DNAH3: variants seen among roughly 807,000 people sequenced by gnomAD.
DNAH3 encodes the protein dynein axonemal heavy chain 3.
A neutral mutation model predicts 432.5 loss-of-function variants in DNAH3; 332 were observed. That is an observed-to-expected ratio of 0.77 (90% CI 0.70 to 0.84). The LOEUF (loss-of-function observed/expected upper bound fraction) is 0.84. Among genes scored for constraint, DNAH3 ranks in the 40% least tolerant of loss-of-function variants. The pLI, the probability that DNAH3 is intolerant of heterozygous loss-of-function variation, is 0.00. For synonymous variants in DNAH3, 1,956 were observed against 1,900.2 expected (o/e 1.03, Z -0.76); for missense variants, 4,861 against 5,114.0 (o/e 0.95, Z 1.51).
At chr16:21,148,358 G>A (rs2092811988) in intron 1 of DNAH3, among the ~76,000 whole-genome samples, 1 of 152,050 alleles carries the variant, frequency 6.6e-6, no homozygotes, top group African/African-American at 2.4e-5. Context: ...ATGAGGGTGA[G>A]AAGATAGGTA....
chr16:21,146,057 CTCA>C (rs1390645194), exon 2 of DNAH3: 1 of 1,613,794 alleles, frequency 6.2e-7, no homozygotes. Flanking sequence ...CTGGGAGTGG[CTCA>C]TGTGATGTAT....
intron 4 of DNAH3, 114 bp downstream of exon 5, chr16:21,141,186 A>G (rs1413481477): frequency 1.3e-6 from 1 of 778,430 alleles, no homozygotes; most frequent in East Asian, 2.8e-5. Context: ...GGATAAGAAT[A>G]TGATTATCTG....
intron 40 of DNAH3, among the ~76,000 whole-genome samples, chr16:21,020,785 T>C (rs1459811413): frequency 6.6e-6 from 1 of 152,086 alleles, no homozygotes; most frequent in African/African-American, 2.4e-5. Context: ...AGTTCAGTGG[T>C]ATTAAGTGCA....
rs754680360 is a variant in DNAH3 at position 20,985,633 on chromosome 16, T to C, written c.7109A>G (p.Glu2370Gly). 53 of 1,614,134 alleles carry C rather than the reference T, an allele frequency of 3.3e-5. No homozygotes were observed. The South Asian group carries it at 5.7e-4, about 17-fold the overall frequency. ...CTCATCGTAGATTTTTTGGTCACTT[T>C]CTGGCTTGAAATAATCTCCAAAGAA... The change falls in exon 48 of 62, where the codon GAA (glutamate) becomes GGA (glycine). Residue 2370 changes from glutamate to glycine, a missense_variant. By Grantham distance (98) the Glu-to-Gly change is moderately conservative. Coordinates refer to ENST00000261383, the Ensembl canonical transcript of DNAH3.
At chr16:21,098,257 C>A (rs2152792535) in intron 17 of DNAH3, among the ~76,000 whole-genome samples, 1 of 151,790 alleles carries the variant, frequency 6.6e-6, no homozygotes, top group African/African-American at 2.4e-5. Context: ...GCCTGGCCAA[C>A]ATGGCAAAAC....
chr16:21,056,499 A>C (rs1348144349), intron 27 of DNAH3, among the ~76,000 whole-genome samples: 1 of 151,610 alleles, frequency 6.6e-6, no homozygotes, highest in Non-Finnish European at 1.5e-5. Flanking sequence ...AGTTCTGTAA[A>C]AGAGCCTTTT....
At chr16:20,945,167 T>C (rs2106452) in intron 57 of DNAH3, among the ~76,000 whole-genome samples, 25,721 of 152,026 alleles carry the variant, frequency 0.17, 2,277 homozygotes, top group African/African-American at 0.22. Context: ...CAGTCAAATA[T>C]CCCCAAACCA....
At chr16:21,135,359 A>G (rs111978798) in intron 6 of DNAH3, among the ~76,000 whole-genome samples, 3,126 of 152,274 alleles carry the variant, frequency 0.021, 118 homozygotes, top group African/African-American at 0.071. Context: ...GTTGGTAGAA[A>G]AGCTTCATAG....
Position 20,954,803 on chromosome 16 carries a change from C to T in DNAH3, c.11071+10G>A. 1 of 1,613,236 alleles carries T rather than the reference C, an allele frequency of 6.2e-7. No individual in the cohort carries two copies. The highest frequency in any genetic ancestry group is 8.5e-7 in the Non-Finnish European group (1 of 1,179,528). On this transcript the variant is annotated intron_variant, in intron 55 of 61. Coordinates refer to ENST00000261383, the Ensembl canonical transcript of DNAH3. Reference sequence around the variant, plus strand: ...CCCTCAGGCCACTCAGGTGCACTGTCATCGCTTACCTAGGGGGCCGAAGTT... The same window carrying T: ...CCCTCAGGCCACTCAGGTGCACTGTTATCGCTTACCTAGGGGGCCGAAGTT...
At chr16:20,957,863 C>T (rs1335298866) in intron 54 of DNAH3, among the ~76,000 whole-genome samples, 5 of 93,288 alleles carry the variant, frequency 5.4e-5, no homozygotes, top group African/African-American at 2.0e-4. Context: ...AATCCCTGAA[C>T]ATTTGAGTTA....
intron 41 of DNAH3, 74 bp downstream of exon 41, chr16:21,019,550 G>C: frequency 6.4e-7 from 1 of 1,557,570 alleles, no homozygotes; most frequent in East Asian, 2.2e-5. Context: ...TCACCTGTCT[G>C]CACATTCTGG....
intron 7 of DNAH3, among the ~76,000 whole-genome samples, chr16:21,131,484 A>AAAG (rs1555570395): frequency 0.49 from 32,223 of 65,902 alleles, 3,875 homozygotes; most frequent in South Asian, 0.57. Context: ...AGGAAGAAAG[A>AAAG]AAAGAAAGAG....
chr16:21,056,612 C>T (rs2152747923), intron 27 of DNAH3, among the ~76,000 whole-genome samples: 1 of 152,248 alleles, frequency 6.6e-6, no homozygotes, highest in South Asian at 2.1e-4. Flanking sequence ...AGAGCAGATG[C>T]CAAATCAATA....
chr16:21,150,676 G>C (rs1043090367), intron 1 of DNAH3, 75 bp downstream of exon 1: 1 of 185,920 alleles, frequency 5.4e-6, no homozygotes, highest in African/African-American at 2.4e-5. Context: ...AAATTTTCCA[G>C]AAACACACTG....
intron 8 of DNAH3, 26 bp downstream of exon 9, chr16:21,127,661 G>T: frequency 1.2e-6 from 2 of 1,613,276 alleles, no homozygotes; most frequent in Non-Finnish European, 1.7e-6. Context: ...CCATGGTGCA[G>T]CCCCACTTGG....
chr16:21,120,930 A>G, intron 10 of DNAH3: 1 of 1,097,240 alleles, frequency 9.1e-7, no homozygotes, highest in Non-Finnish European at 1.4e-6. Flanking sequence ...GTTGTAGGAG[A>G]GCTGCCCAGT....
rs368462106 is a variant in DNAH3, at chr16:20,941,550, A to G, written c.11512-7T>C. 58 of 1,613,922 alleles carry G rather than the reference A, an allele frequency of 3.6e-5. No individual in the cohort carries two copies. In the East Asian group the frequency reaches 7.8e-4, roughly 22 times the overall value. ...CCAACTCCTCAACCACTTCCTTAAA[A>G]TGCAGGCAGAAGAGAGGTGAGTGAG... On this transcript the variant is annotated splice_polypyrimidine_tract_variant and splice_region_variant and intron_variant, in intron 58 of 61. Transcript: ENST00000261383.
chr16:21,044,445 G>C (rs1214568245), intron 31 of DNAH3, among the ~76,000 whole-genome samples: 1 of 117,334 alleles, frequency 8.5e-6, no homozygotes, highest in African/African-American at 3.3e-5. Flanking sequence ...ATTGTGAATG[G>C]GAGTTCACTC....
chr16:21,116,482 T>C (rs945332023), intron 12 of DNAH3, among the ~76,000 whole-genome samples: 46 of 152,154 alleles, frequency 3.0e-4, no homozygotes, highest in African/African-American at 1.1e-3. Context: ...TGCTTCCCCT[T>C]TTGCCACGAC....
Sources: gnomAD v4.1 joint callset for allele counts (sites outside exome capture counted in the v4.1 genomes callset) on GRCh38, gnomAD v4.1.1 for gene constraint, MANE v1.5 for transcripts, NCBI Gene and HGNC (gene_info 2026-07-23, HGNC 2026-07-21) for gene names.